HHLA2: variants seen among roughly 807,000 people sequenced by gnomAD.
HHLA2 encodes the protein HERV-H LTR-associating protein 2.
Under a neutral mutation model 45.9 loss-of-function variants are expected in HHLA2, and 48 were observed. That is an observed-to-expected ratio of 1.05 (90% CI 0.83 to 1.33). The LOEUF is 1.33. HHLA2 is among the 40% of genes most tolerant of loss of function. The pLI, the probability that HHLA2 is intolerant of heterozygous loss-of-function variation, is 0.00. For missense variants in HHLA2, 462 were observed against 494.3 expected (o/e 0.93, Z 0.62); for synonymous variants, 161 against 173.9 (o/e 0.93, Z 0.59).
At chr3:108,341,232 G>A (rs943961154) in intron 3 of HHLA2, among the ~76,000 whole-genome samples, 1 of 151,968 alleles carries the variant, frequency 6.6e-6, no homozygotes, top group Admixed American at 6.6e-5. Context: ...GGATTACAGG[G>A]ATGAGCCACC....
intron 8 of HHLA2, among the ~76,000 whole-genome samples, chr3:108,364,884 T>C (rs2082038535): frequency 6.6e-6 from 1 of 152,226 alleles, no homozygotes; most frequent in Non-Finnish European, 1.5e-5. Flanking sequence ...TCCTTCTAGA[T>C]TCTGGATATT....
intron 3 of HHLA2, among the ~76,000 whole-genome samples, chr3:108,351,255 G>T (rs1399675266): frequency 6.6e-6 from 1 of 152,064 alleles, no homozygotes; most frequent in Non-Finnish European, 1.5e-5. Flanking sequence ...TATATTTTCA[G>T]GTTTTAGTTG....
chr3:108,355,373 C>T lies in HHLA2; in HGVS notation c.677C>T (p.Thr226Met), dbSNP rs552451858. 112 of 1,612,436 alleles carry T rather than the reference C, an allele frequency of 6.9e-5. No homozygotes were observed. Among genetic ancestry groups the T allele is most frequent in the African/African-American group, 4.8e-4 (36 of 74,924 alleles). The change falls in exon 6 of 11, where the codon ACG becomes ATG. Residue 226 changes from threonine (T) to methionine (M), a missense_variant. Around this residue, in one of 3 missense-constraint regions of HHLA2, gnomAD observed 335 missense variants for 367.4 expected, o/e 0.91. Transcript: ENST00000619531. ...AAGCAAACATGGACAGGGCGCTGGA[C>T]GATGAAAGGTAGGCTCCACAGGACT...
At chr3:108,358,300 C>G in intron 7 of HHLA2, 139 bp downstream of exon 6, 1 of 627,944 alleles carries the variant, frequency 1.6e-6, no homozygotes, top group Non-Finnish European at 2.6e-6. Context: ...TATTTCTGGT[C>G]AGGATGTCGA....
At position 108,331,920 on chromosome 3, in the gene HHLA2, C is replaced by T. The variant is rs562385920; in HGVS notation, c.-27+3573C>T. On this transcript the variant is annotated intron_variant, in intron 3 of 10. Transcript: ENST00000619531. The stretch of plus-strand genomic sequence containing the variant: ...AACACTCTCATGCTTTTGAAACTAA[C>T]CACATAAAGTTGTATAAGTGCTTAA... 1.2e-4 allele frequency among the ~76,000 whole-genome samples: 19 copies of T among 152,196 alleles called. No individual in the cohort carries two copies. The South Asian group carries it at 3.7e-3, about 30-fold the overall frequency.
intron 7 of HHLA2, among the ~76,000 whole-genome samples, chr3:108,358,879 G>A (rs1263567613): frequency 3.3e-5 from 5 of 152,192 alleles, no homozygotes; most frequent in Non-Finnish European, 7.3e-5. Flanking sequence ...TTTCAATTGT[G>A]AAAATTAGGA....
chr3:108,322,655 TC>T (rs1393421923), intron 2 of HHLA2, among the ~76,000 whole-genome samples: 1 of 152,170 alleles, frequency 6.6e-6, no homozygotes, highest in East Asian at 1.9e-4. Flanking sequence ...ATTCTTGCTT[TC>T]GAAACGTTCT....
At chr3:108,358,734 G>C (rs2081940452) in intron 7 of HHLA2, among the ~76,000 whole-genome samples, 1 of 152,192 alleles carries the variant, frequency 6.6e-6, no homozygotes, top group Non-Finnish European at 1.5e-5. Context: ...TCATGAAGCT[G>C]ACCTTCTAGG....
intron 2 of HHLA2, among the ~76,000 whole-genome samples, chr3:108,323,604 A>T (rs577740339): frequency 6.6e-6 from 1 of 152,244 alleles, no homozygotes; most frequent in East Asian, 1.9e-4. Context: ...ATTTCCCTGA[A>T]ATCCGTACTA....
chr3:108,360,609 T>TGGGG (rs1431671799), intron 7 of HHLA2, among the ~76,000 whole-genome samples: 1 of 152,170 alleles, frequency 6.6e-6, no homozygotes, highest in Non-Finnish European at 1.5e-5. Context: ...AAATGATTCA[T>TGGGG]GGGGGTAGTG....
chr3:108,317,715 C>T (rs1188810646), intron 2 of HHLA2, among the ~76,000 whole-genome samples: 1 of 151,784 alleles, frequency 6.6e-6, no homozygotes, highest in Non-Finnish European at 1.5e-5. Flanking sequence ...GCTGGGATCA[C>T]AGGCACGCAC....
chr3:108,375,644 A>C, intron 8 of HHLA2, 106 bp from the exon 8 acceptor site: 1 of 1,387,384 alleles, frequency 7.2e-7, no homozygotes, highest in Non-Finnish European at 9.7e-7. Flanking sequence ...AAAGAACCAG[A>C]GAGTGACTTT....
intron 8 of HHLA2, among the ~76,000 whole-genome samples, chr3:108,365,249 AG>A (rs2082045380): frequency 6.6e-6 from 1 of 152,246 alleles, no homozygotes; most frequent in Non-Finnish European, 1.5e-5. Flanking sequence ...TTTATTAAAC[AG>A]GGAATCCTTT....
At chr3:108,351,025 A>T (rs2081767249) in intron 3 of HHLA2, among the ~76,000 whole-genome samples, 1 of 152,234 alleles carries the variant, frequency 6.6e-6, no homozygotes, top group Non-Finnish European at 1.5e-5. Flanking sequence ...GAGATTTTAA[A>T]ACCAATTGTA....
chr3:108,369,966 A>C (rs936377357), intron 8 of HHLA2, among the ~76,000 whole-genome samples: 8 of 152,162 alleles, frequency 5.3e-5, no homozygotes, highest in Non-Finnish European at 1.0e-4. Flanking sequence ...AGAGAGTAGT[A>C]GTTCTCCCAG....
intron 2 of HHLA2, chr3:108,325,414 T>G (rs370449349): frequency 1.8e-4 from 66 of 364,288 alleles, no homozygotes; most frequent in Non-Finnish European, 3.4e-4. Context: ...ACCACTGTGC[T>G]TGGCTGAATT....
chr3:108,370,418 G>T (rs532754901), intron 8 of HHLA2, among the ~76,000 whole-genome samples: 5 of 152,112 alleles, frequency 3.3e-5, no homozygotes, highest in African/African-American at 4.8e-5. Context: ...AAATCAGAGC[G>T]CCTCTCCTCC....
At chr3:108,323,935 T>C (rs887471492) in intron 2 of HHLA2, among the ~76,000 whole-genome samples, 3 of 152,226 alleles carry the variant, frequency 2.0e-5, no homozygotes, top group African/African-American at 7.2e-5. Flanking sequence ...ACTTTTCTTT[T>C]CTTATTGCTT....
intron 3 of HHLA2, among the ~76,000 whole-genome samples, chr3:108,341,338 T>TA (rs2081568239): frequency 6.6e-6 from 1 of 152,192 alleles, no homozygotes; most frequent in South Asian, 2.1e-4. Flanking sequence ...AATGTTGACA[T>TA]AAAAATAAAT....
Sources: allele counts gnomAD v4.1 joint callset (sites outside exome capture counted in the v4.1 genomes callset), GRCh38; gene constraint gnomAD v4.1.1; regional missense constraint gnomAD v4.1.1; transcripts MANE v1.5; gene names NCBI Gene and HGNC (gene_info 2026-07-23, HGNC 2026-07-21).